The following CUL9 variants were observed in gnomAD, a reference collection of about 807,000 sequenced individuals.
The protein encoded by CUL9 is cullin-9.
A neutral mutation model predicts 272.6 loss-of-function variants in CUL9; 79 were observed. That is an observed-to-expected ratio of 0.29 (90% CI 0.24 to 0.35). The LOEUF (loss-of-function observed/expected upper bound fraction) is 0.35. CUL9 is among the 10% of genes least tolerant of loss of function. CUL9 has a pLI of 1.00. For missense variants in CUL9, 2,532 were observed against 3,255.6 expected, an observed-to-expected ratio of 0.78 and a Z score of 5.41; for synonymous variants, 1,186 against 1,286.5, an observed-to-expected ratio of 0.92 and a Z score of 1.67.
intron 8 of CUL9, among the ~76,000 whole-genome samples, chr6:43,192,679 A>T (rs923305677): frequency 1.3e-5 from 2 of 152,176 alleles, no homozygotes; most frequent in Non-Finnish European, 2.9e-5. Context: ...CATCTCAAAA[A>T]CGAAAAGACA....
chr6:43,186,489 A>G, intron 4 of CUL9, 34 bp downstream of exon 4: 1 of 1,554,892 alleles, frequency 6.4e-7, no homozygotes, highest in Non-Finnish European at 8.7e-7. Flanking sequence ...CACTGTTGGG[A>G]GTTTATTTGG....
rs1429842092 is a variant in CUL9, at chr6:43,199,405, G to A, written c.3156+34G>A. ...ACCCTGGCAAGGAGAAGAGAGGGAA[G>A]GGCAGCATCTGGGGCACCAACTCCT... On this transcript the variant is annotated intron_variant, in intron 13 of 40. Transcript: ENST00000252050. This position sits in a 1 kb window ranked among gnomAD's most constrained non-coding sequence, Gnocchi z 4.4. The A allele has an allele frequency of 6.5e-7, 1 of 1,547,094 alleles. No homozygotes were observed.
At chr6:43,211,260 G>A (rs527366297) in intron 26 of CUL9, among the ~76,000 whole-genome samples, 1 of 152,138 alleles carries the variant, frequency 6.6e-6, no homozygotes, top group Non-Finnish European at 1.5e-5. Context: ...AAATACATCT[G>A]TTAGAAGTAT....
rs761990409 is a variant in CUL9 at position 43,213,162 on chromosome 6, A to T, written c.5226A>T (p.Pro1742=). 1.9e-6 allele frequency: 3 copies of T among 1,614,080 alleles called. No individual in the cohort carries two copies. Among genetic ancestry groups the T allele is most frequent in the Non-Finnish European group, 2.5e-6 (3 of 1,179,994 alleles). The part of the protein sequence containing the change: ...SSFYSQSQNH[P]VLDMGPHRRL... ...ACACTTGCCTAGGTCAGAACCATCC[A>T]GTCCTGGACATGGGACCACATCGGC... Residue 1742 remains proline (P), a synonymous_variant, in exon 27 of 41, where the codon CCA becomes CCT. Transcript: ENST00000252050. This position sits in a 1 kb window ranked among gnomAD's most constrained non-coding sequence, Gnocchi z 5.7.
intron 9 of CUL9, 71 bp downstream of exon 9, chr6:43,193,279 G>A (rs1237864307): frequency 7.2e-7 from 1 of 1,397,840 alleles, no homozygotes; most frequent in African/African-American, 1.4e-5. Context: ...TGATCTTGAG[G>A]GGGTACTTTG....
chr6:43,200,893 C>T lies in CUL9; in HGVS notation c.3647+59C>T. 1.3e-6 allele frequency: 2 copies of T among 1,597,708 alleles called. No homozygotes were observed. Among genetic ancestry groups the T allele is most frequent in the Non-Finnish European group, 1.7e-6 (2 of 1,167,038 alleles). Reference sequence around the variant, plus strand: ...CCCCAGGATACTTCCCCAAAGCACCCAGATACACACAACCCCAGCTATAAC... The same window carrying T: ...CCCCAGGATACTTCCCCAAAGCACCTAGATACACACAACCCCAGCTATAAC... On this transcript the variant is annotated intron_variant, in intron 16 of 40. Transcript: ENST00000252050. The surrounding 1 kb of genome is among the most constrained non-coding windows in gnomAD (Gnocchi z 4.0).
intron 29 of CUL9, among the ~76,000 whole-genome samples, chr6:43,214,241 G>A (rs1441567703): frequency 2.6e-5 from 4 of 152,046 alleles, no homozygotes; most frequent in Non-Finnish European, 4.4e-5. Context: ...CCAACATGGC[G>A]AAACCCTGTG....
Position 43,205,989 on chromosome 6 carries a change from G to A in CUL9, c.4794-18G>A, listed in dbSNP as rs1321100916. 3 of 1,609,882 alleles carry A rather than the reference G, an allele frequency of 1.9e-6. No homozygotes were observed. Among genetic ancestry groups the A allele is most frequent in the Admixed American group, 1.7e-5 (1 of 59,944 alleles). Reference sequence around the variant, plus strand: ...TGGCACCCACACTGAGGCTTGGCCCGGGCTGTGTGTGCTGCAGGCATTATA... The same window carrying A: ...TGGCACCCACACTGAGGCTTGGCCCAGGCTGTGTGTGCTGCAGGCATTATA... On this transcript the variant is annotated intron_variant, in intron 24 of 40. Coordinates refer to ENST00000252050, the MANE Select transcript of CUL9 (RefSeq NM_015089.4).
chr6:43,193,375 G>A (rs1438095919), intron 9 of CUL9, among the ~76,000 whole-genome samples, 167 bp downstream of exon 9: 2 of 152,142 alleles, frequency 1.3e-5, no homozygotes, highest in African/African-American at 4.8e-5. Flanking sequence ...GGGATTAAGT[G>A]TTTGGAAAAA....
Position 43,223,716 on chromosome 6 carries a change from TAA to T in CUL9, c.7284+320_7284+321del. On this transcript the variant is annotated intron_variant, in intron 39 of 40. Transcript: ENST00000252050. The surrounding 1 kb of genome is among the most constrained non-coding windows in gnomAD (Gnocchi z 4.1). ...CTTCCCAGATAGGGATTTGAAATCC[TAA>T]GAGTGGGCATCAGGGGATTGGGGTC... The T allele has an allele frequency of 2.0e-6, 1 of 503,200 alleles. No homozygotes were observed. Among genetic ancestry groups the T allele is most frequent in the Non-Finnish European group, 3.6e-6 (1 of 278,790 alleles). The allele number at this position is 503,200 out of a possible 1,614,324, so 31.2% of individuals were successfully genotyped here. A position where few individuals can be genotyped will look rare whatever the true frequency, so the allele number is the denominator to read the frequency against.
At chr6:43,196,570 C>G in intron 10 of CUL9, 75 bp from the exon 11 acceptor site, 1 of 1,340,970 alleles carries the variant, frequency 7.5e-7, no homozygotes, top group Non-Finnish European at 1.1e-6. Context: ...GCTGCCCGGC[C>G]TTCTATGCTT....
intron 5 of CUL9, 31 bp from the exon 6 acceptor site, chr6:43,187,215 G>A (rs1031689977): frequency 6.2e-7 from 1 of 1,610,774 alleles, no homozygotes; most frequent in Non-Finnish European, 8.5e-7. Context: ...TTCCTGAGGG[G>A]TGCTGATGCC....
Position 43,224,165 on chromosome 6 carries a change from G to C in CUL9, c.7355G>C (p.Ser2452Thr), listed in dbSNP as rs1341751806. Residue 2452 changes from serine to threonine, a missense_variant, in exon 40 of 41, where the codon AGT becomes ACT. Physicochemically the swap from Ser to Thr is moderately conservative, Grantham distance 58. Around this residue, in one of 3 missense-constraint regions of CUL9, gnomAD observed 237 missense variants for 305.9 expected, o/e 0.77. Transcript: ENST00000252050. This position sits in a 1 kb window ranked among gnomAD's most constrained non-coding sequence, Gnocchi z 4.2. ...GCAAAAGGACCCAACATGCCTGGCA[G>C]TCAGTAAGTGGGGTGGGCAGAGCCA... ...WEAKGPNMPG[S>T]QPQASSGPEA... The C allele has an allele frequency of 6.2e-7, 1 of 1,614,246 alleles. No homozygotes were observed. The highest frequency in any genetic ancestry group is 1.3e-5 in the African/African-American group (1 of 75,070).
chr6:43,204,254 TACC>T (rs1774867479), intron 20 of CUL9, 103 bp from the exon 21 acceptor site: 2 of 1,375,050 alleles, frequency 1.5e-6, no homozygotes, highest in East Asian at 4.6e-5. Flanking sequence ...AGGGCCCCAC[TACC>T]CCTCAAGCCT....
chr6:43,189,582 C>T (rs1773252032), intron 8 of CUL9, among the ~76,000 whole-genome samples: 2 of 151,994 alleles, frequency 1.3e-5, no homozygotes, highest in South Asian at 2.1e-4. Context: ...CTCACTCTGT[C>T]ACCCAGGCTA....
Position 43,221,387 on chromosome 6 carries a change from G to A in CUL9, c.6752+66G>A. The A allele has an allele frequency of 2.9e-6, 4 of 1,391,258 alleles. No individual in the cohort carries two copies. The highest frequency in any genetic ancestry group is 2.4e-5 in the East Asian group (1 of 42,502). 86.2% of individuals were successfully genotyped at this position (1,391,258 alleles called of 1,614,324 possible). A position where few individuals can be genotyped will look rare whatever the true frequency, so the allele number is the denominator to read the frequency against. On this transcript the variant is annotated intron_variant, in intron 34 of 40. Transcript: ENST00000252050. The surrounding 1 kb of genome is among the most constrained non-coding windows in gnomAD (Gnocchi z 4.2). ...GGGGGAGGAGGCCTGGCAGAAGGAG[G>A]GGGGAACGGGCTTAGTGTAAAGCTC...
At position 43,198,874 on chromosome 6, in the gene CUL9, C is replaced by T; in HGVS notation, c.3050+19C>T. 6.2e-7 allele frequency: 1 copy of T among 1,606,924 alleles called. No homozygotes were observed. On this transcript the variant is annotated intron_variant, in intron 12 of 40. Coordinates refer to ENST00000252050, the MANE Select transcript of CUL9 (RefSeq NM_015089.4). Reference sequence around the variant, plus strand: ...TGCTGAGGTGAGGGGCCTGTTGAGGCACCATGCATTGGGACGAGGGAAACT... The same window carrying T: ...TGCTGAGGTGAGGGGCCTGTTGAGGTACCATGCATTGGGACGAGGGAAACT...
rs1776239193 is a variant in CUL9 at position 43,220,238 on chromosome 6, C to T, written c.6283-221C>T. 6.6e-6 allele frequency among the ~76,000 whole-genome samples: 1 copy of T among 152,184 alleles called. No individual in the cohort carries two copies. ...AACAGTAATTATGATTAGGCAAATA[C>T]ACAGCCCACCCCATCCTCAAAGACA... On this transcript the variant is annotated intron_variant, in intron 31 of 40. Coordinates refer to ENST00000252050, the MANE Select transcript of CUL9 (RefSeq NM_015089.4). The surrounding 1 kb of genome is among the most constrained non-coding windows in gnomAD (Gnocchi z 4.9).
rs138453176 is a variant in CUL9, at chr6:43,192,593, G to A, written c.2181-408G>A. The stretch of plus-strand genomic sequence containing the variant: ...CAAGAGGCTGAGGCTTGAGAATCAC[G>A]TAAACCCAGGAGGCAGAGGTTGCAG... On this transcript the variant is annotated intron_variant, in intron 8 of 40. Coordinates refer to ENST00000252050, the MANE Select transcript of CUL9 (RefSeq NM_015089.4). Among the ~76,000 whole-genome samples, 180 of 152,228 alleles carry A rather than the reference G, an allele frequency of 1.2e-3. 2 individuals carry two copies. Among genetic ancestry groups the A allele is most frequent in the African/African-American group, 4.1e-3 (169 of 41,548 alleles).
Sources: gnomAD v4.1 joint callset for allele counts (sites outside exome capture counted in the v4.1 genomes callset) on GRCh38, gnomAD v4.1.1 for gene constraint, gnomAD v4.1.1 regional missense constraint, Gnocchi (gnomAD v3.1) non-coding constraint, MANE v1.5 for transcripts, NCBI Gene and HGNC (gene_info 2026-07-23, HGNC 2026-07-21) for gene names.